Variants in BMPR1A observed in about 807,000 individuals in gnomAD.
The protein encoded by BMPR1A is bone morphogenetic protein receptor type 1A.
Under a neutral mutation model 66.0 loss-of-function variants are expected in BMPR1A, and 7 were observed. The observed-to-expected ratio is 0.11, with a 90% CI of 0.06 to 0.20. The LOEUF (loss-of-function observed/expected upper bound fraction) is 0.20, where lower values mean the gene tolerates loss of function less well. Ranked by LOEUF, BMPR1A falls within the 10% of genes least tolerant of loss-of-function variation. The pLI, the probability that BMPR1A is intolerant of heterozygous loss-of-function variation, is 1.00. For missense variants in BMPR1A, 408 were observed against 669.1 expected, an observed-to-expected ratio of 0.61 and a Z score of 4.31; for synonymous variants, 200 against 229.7, an observed-to-expected ratio of 0.87 and a Z score of 1.17.
At chr10:86,784,137 G>C (rs1841478355) in intron 1 of BMPR1A, among the ~76,000 whole-genome samples, 1 of 152,000 alleles carries the variant, frequency 6.6e-6, no homozygotes, top group African/African-American at 2.4e-5. Context: ...ATTGTACTGT[G>C]TTGAGTAGAA....
chr10:86,859,869 A>AAAAACC (rs549565134), intron 2 of BMPR1A, among the ~76,000 whole-genome samples: 15 of 152,190 alleles, frequency 9.9e-5, no homozygotes, highest in Non-Finnish European at 2.1e-4. Context: ...TATTGTTCAA[A>AAAAACC]AAAACCAAAA....
intron 2 of BMPR1A, among the ~76,000 whole-genome samples, chr10:86,853,399 A>G (rs1038688394): frequency 1.3e-5 from 2 of 152,222 alleles, no homozygotes; most frequent in African/African-American, 4.8e-5. Flanking sequence ...TAGAAAAAAT[A>G]CTGCACATTT....
intron 1 of BMPR1A, among the ~76,000 whole-genome samples, chr10:86,758,189 G>A (rs1023502940): frequency 6.6e-6 from 1 of 152,140 alleles, no homozygotes; most frequent in African/African-American, 2.4e-5. Context: ...GTTTTTAGTA[G>A]AACCAGACTC....
intron 1 of BMPR1A, among the ~76,000 whole-genome samples, chr10:86,805,034 C>G (rs1441881384): frequency 6.6e-6 from 1 of 151,946 alleles, no homozygotes; most frequent in Non-Finnish European, 1.5e-5. Flanking sequence ...GCAGTTTTAT[C>G]CCTGTCTCTC....
chr10:86,825,718 C>T (rs1299454782), intron 1 of BMPR1A, among the ~76,000 whole-genome samples: 1 of 152,110 alleles, frequency 6.6e-6, no homozygotes, highest in East Asian at 1.9e-4. Context: ...CTGAAGTGAT[C>T]CTCCTGCTTC....
chr10:86,896,507 C>T (rs951765385), intron 5 of BMPR1A, among the ~76,000 whole-genome samples: 5 of 151,898 alleles, frequency 3.3e-5, no homozygotes, highest in East Asian at 1.9e-4. Flanking sequence ...TACTTTAGGA[C>T]GTAATTATCA....
At chr10:86,921,071 C>A (rs986668001) in intron 10 of BMPR1A, among the ~76,000 whole-genome samples, 8 of 152,088 alleles carry the variant, frequency 5.3e-5, no homozygotes, top group Admixed American at 6.6e-5. Flanking sequence ...CCAGGCTGAT[C>A]TTGAACACCT....
chr10:86,897,641 C>T (rs1180215617), intron 5 of BMPR1A, among the ~76,000 whole-genome samples: 1 of 152,174 alleles, frequency 6.6e-6, no homozygotes, highest in East Asian at 1.9e-4. Flanking sequence ...GGGTATTGCT[C>T]CATCACCCAG....
rs1843734917 is a variant in BMPR1A, at chr10:86,925,893, A to C, written c.*2174A>C. On this transcript the variant is annotated 3_prime_UTR_variant, in exon 13 of 13. Coordinates refer to ENST00000372037, the MANE Select transcript of BMPR1A (RefSeq NM_004329.3). Reference sequence around the variant, plus strand: ...CAGGCGCCCGCCACCGCGCCCGGCTAATTTTTTGTATTTTTAGTAGAGACG... The same window carrying C: ...CAGGCGCCCGCCACCGCGCCCGGCTCATTTTTTGTATTTTTAGTAGAGACG... The C allele has an allele frequency of 6.2e-6, 1 of 162,208 alleles. No homozygotes were observed. The highest frequency in any genetic ancestry group is 1.3e-5 in the Non-Finnish European group (1 of 74,348). 10.0% of individuals were successfully genotyped at this position (162,208 alleles called of 1,614,324 possible).
intron 1 of BMPR1A, among the ~76,000 whole-genome samples, chr10:86,782,115 G>A (rs1273793012): frequency 1.3e-5 from 2 of 151,890 alleles, no homozygotes; most frequent in Non-Finnish European, 2.9e-5. Context: ...CTCCCGCCTC[G>A]GCCTCCCAAA....
In BMPR1A at chr10:86,762,505, G is replaced by A. The variant is rs953546293; in HGVS notation, c.-268+5586G>A. Among the ~76,000 whole-genome samples the A allele has an allele frequency of 3.3e-5, 5 of 151,962 alleles. No individual in the cohort carries two copies. In the South Asian group the frequency reaches 8.3e-4, roughly 25 times the overall value. ...TCCCGAGTAGCTGGGTTTAACAGGC[G>A]CCCGCCAATACGCCTGGCTCCTTTT... On this transcript the variant is annotated intron_variant, in intron 1 of 12. Coordinates refer to ENST00000372037, the MANE Select transcript of BMPR1A (RefSeq NM_004329.3).
At chr10:86,909,123 A>C (rs1317063128) in intron 7 of BMPR1A, among the ~76,000 whole-genome samples, 1 of 152,210 alleles carries the variant, frequency 6.6e-6, no homozygotes, top group Non-Finnish European at 1.5e-5. Context: ...CAAGCACTGA[A>C]TGTTGAGCTA....
intron 1 of BMPR1A, among the ~76,000 whole-genome samples, chr10:86,824,103 G>GTT (rs1842159140): frequency 2.0e-5 from 3 of 151,458 alleles, no homozygotes; most frequent in East Asian, 1.9e-4. Context: ...GTGTGTGTGT[G>GTT]TGTGTGTGTT....
At chr10:86,901,325 C>G (rs549575845) in intron 7 of BMPR1A, among the ~76,000 whole-genome samples, 1 of 152,362 alleles carries the variant, frequency 6.6e-6, no homozygotes, top group African/African-American at 2.4e-5. Flanking sequence ...TTTTAAGCCA[C>G]TCAGTTTGGG....
chr10:86,829,410 C>T (rs1392926566), intron 1 of BMPR1A, among the ~76,000 whole-genome samples: 1 of 152,134 alleles, frequency 6.6e-6, no homozygotes, highest in African/African-American at 2.4e-5. Context: ...GTGCCTTTCA[C>T]CTTTCCCTTA....
intron 2 of BMPR1A, chr10:86,855,971 G>A: frequency 1.6e-6 from 1 of 622,616 alleles, no homozygotes; most frequent in Admixed American, 2.4e-5. Flanking sequence ...TTCCAGAATG[G>A]CCACTTTGCC....
At chr10:86,905,631 A>G (rs971404298) in intron 7 of BMPR1A, among the ~76,000 whole-genome samples, 6 of 152,062 alleles carry the variant, frequency 3.9e-5, no homozygotes, top group Non-Finnish European at 8.8e-5. Context: ...GATGTTTGCC[A>G]GCCACCTTGG....
rs1194583195 is a variant in BMPR1A at position 86,786,433 on chromosome 10, C to T, written c.-268+29514C>T. ...TTGCACTGCTCTTGCGAGGTCAGCT[C>T]TGACCCTACCTTTCTCATCCTTGAA... On this transcript the variant is annotated intron_variant, in intron 1 of 12. Transcript: ENST00000372037. Among the ~76,000 whole-genome samples, 6 of 152,256 alleles carry T rather than the reference C, an allele frequency of 3.9e-5. No individual in the cohort carries two copies. In the East Asian group the frequency reaches 1.2e-3, roughly 29 times the overall value.
In BMPR1A at chr10:86,820,071, A is replaced by C. The variant is rs560954920; in HGVS notation, c.-267-18794A>C. The stretch of plus-strand genomic sequence containing the variant: ...TTTGTTTTGTTTGAGACAGGGTCTA[A>C]CTTTCTGACACCCAGACTGGAGTGC... On this transcript the variant is annotated intron_variant, in intron 1 of 12. Coordinates refer to ENST00000372037, the MANE Select transcript of BMPR1A (RefSeq NM_004329.3). 2.6e-5 allele frequency among the ~76,000 whole-genome samples: 4 copies of C among 152,156 alleles called. No homozygotes were observed. The East Asian group carries it at 7.7e-4, about 29-fold the overall frequency.
Sources: allele counts gnomAD v4.1 joint callset (sites outside exome capture counted in the v4.1 genomes callset), GRCh38; gene constraint gnomAD v4.1.1; transcripts MANE v1.5; gene names NCBI Gene and HGNC (gene_info 2026-07-23, HGNC 2026-07-21).